The following EIF4E2 variants were observed in gnomAD, a reference collection of about 807,000 sequenced individuals.
EIF4E2 encodes the protein eukaryotic translation initiation factor 4E type 2.
In EIF4E2, 13 loss-of-function variants were observed where a neutral mutation model predicts 34.2. That is an observed-to-expected ratio of 0.38 (90% CI 0.25 to 0.60). The LOEUF is 0.60. Ranked by LOEUF, EIF4E2 falls within the 20% of genes least tolerant of loss-of-function variation. EIF4E2 has a pLI of 0.62. For missense variants in EIF4E2, 222 were observed against 315.1 expected (o/e 0.70, Z 2.24); for synonymous variants, 100 against 106.6 (o/e 0.94, Z 0.38).
intron 1 of EIF4E2, chr2:232,551,171 G>T (rs1018548131): frequency 3.9e-6 from 2 of 507,904 alleles, no homozygotes; most frequent in Non-Finnish European, 7.9e-6. Flanking sequence ...CATCTGCAGA[G>T]TGGGGACGGT....
At chr2:232,568,346 A>G (rs1342988623) in intron 6 of EIF4E2, 4 of 985,310 alleles carry the variant, frequency 4.1e-6, no homozygotes, top group Non-Finnish European at 3.6e-6. Flanking sequence ...GCGTTGGTCC[A>G]TGATCAAACG....
chr2:232,555,934 C>G (rs1207307351), intron 1 of EIF4E2, among the ~76,000 whole-genome samples: 2 of 57,628 alleles, frequency 3.5e-5, no homozygotes, highest in Admixed American at 5.2e-4. Flanking sequence ...AGATTTGTGT[C>G]AGGAAGACCA....
intron 6 of EIF4E2, chr2:232,567,903 A>C: frequency 1.0e-6 from 1 of 985,432 alleles, no homozygotes; most frequent in Non-Finnish European, 1.2e-6. Context: ...TGGCTGTCAG[A>C]TTGTCTCAAA....
At chr2:232,550,830 C>A in intron 1 of EIF4E2, 86 bp downstream of exon 1, 1 of 1,288,384 alleles carries the variant, frequency 7.8e-7, no homozygotes, top group Non-Finnish European at 1.1e-6. Context: ...CGGCGCAAAC[C>A]CTGCGGCACC....
At chr2:232,556,334 A>G in intron 1 of EIF4E2, 82 bp from the exon 2 acceptor site, 1 of 1,090,782 alleles carries the variant, frequency 9.2e-7, no homozygotes, top group Non-Finnish European at 1.4e-6. Context: ...GTTACATAGT[A>G]GTTCGTATGA....
At chr2:232,567,709 G>T in intron 6 of EIF4E2, 2 of 995,118 alleles carry the variant, frequency 2.0e-6, no homozygotes, top group South Asian at 9.3e-5. Context: ...AAGGGGGATA[G>T]TGTGTGTGTG....
intron 6 of EIF4E2, chr2:232,568,072 T>C: frequency 2.0e-6 from 2 of 985,370 alleles, no homozygotes; most frequent in African/African-American, 1.7e-5. Context: ...ACAAGGCTAT[T>C]GTGAGGCTGA....
intron 6 of EIF4E2, among the ~76,000 whole-genome samples, chr2:232,579,205 T>C (rs1392124438): frequency 1.3e-5 from 2 of 152,012 alleles, no homozygotes; most frequent in Non-Finnish European, 2.9e-5. Context: ...TGATCAGATA[T>C]GTTCCTTATC....
intron 6 of EIF4E2, 28 bp downstream of exon 6, chr2:232,567,242 G>A (rs764061891): frequency 2.5e-6 from 4 of 1,613,436 alleles, no homozygotes; most frequent in South Asian, 2.2e-5. Flanking sequence ...ATGGGAGGAC[G>A]TGTCCCTAAG....
chr2:232,559,775 C>T (rs1015612767), intron 3 of EIF4E2, among the ~76,000 whole-genome samples: 1 of 145,094 alleles, frequency 6.9e-6, no homozygotes, highest in Admixed American at 6.9e-5. Context: ...GAGACCCTGC[C>T]TCTACAAAAA....
downstream of EIF4E2, chr2:232,569,812 TG>T (rs1693049198): frequency 1.3e-5 from 2 of 152,390 alleles, no homozygotes; most frequent in Admixed American, 6.5e-5. Flanking sequence ...CCCTTTCTCC[TG>T]GGCCCGGTGT....
Position 232,557,919 on chromosome 2 carries a change from G to T in EIF4E2, c.171G>T (p.Gln57His). 1 of 1,613,968 alleles carries T rather than the reference G, an allele frequency of 6.2e-7. No homozygotes were observed. The highest frequency in any genetic ancestry group is 8.5e-7 in the Non-Finnish European group (1 of 1,179,990). Reference protein sequence around the residue: ...VVPGPAEHPLQYNYTFWYSRR... With the variant: ...VVPGPAEHPLHYNYTFWYSRR... ...CTGGACCGGCAGAGCATCCCCTGCA[G>T]TACAACTACACTTTTTGGTACTCCA... The change falls in exon 3 of 7, where the codon CAG (glutamine) becomes CAT (histidine). Residue 57 changes from glutamine (Q) to histidine (H), a missense_variant. By Grantham distance (24) the Gln-to-His change is conservative. Transcript: ENST00000258416.
At chr2:232,551,054 G>C (rs1330288820) in intron 1 of EIF4E2, 1 of 620,342 alleles carries the variant, frequency 1.6e-6, no homozygotes. Flanking sequence ...CTGCGACGTG[G>C]AGGGGTGGGG....
chr2:232,553,921 A>T (rs541714357), intron 1 of EIF4E2: 1 of 152,318 alleles, frequency 6.6e-6, no homozygotes, highest in South Asian at 2.1e-4. Context: ...CAAAAACAAG[A>T]TGCTGGGATG....
rs957127542 is a variant in EIF4E2, at chr2:232,568,981, T to A, written c.702T>A (p.Phe234Leu). The change falls in exon 7 of 7, where the codon TTT becomes TTA. Residue 234 changes from phenylalanine to leucine, a missense_variant. Phe to Leu is a conservative substitution (Grantham distance 22). Around this residue, in one of 3 missense-constraint regions of EIF4E2, gnomAD observed 30 missense variants for 26.3 expected, o/e 1.14. Coordinates refer to ENST00000258416, the MANE Select transcript of EIF4E2 (RefSeq NM_004846.4). ...PGRLGPQRLL[F>L]QNLWKPRLNV... is the part of the protein sequence containing the mutation. ...GGCTGGGCCCCCAAAGGCTCCTTTT[T>A]CAAAACCTCTGGAAGCCGCGGTTGA... 5 of 1,614,092 alleles carry A rather than the reference T, an allele frequency of 3.1e-6. No homozygotes were observed. Among genetic ancestry groups the A allele is most frequent in the African/African-American group, 1.3e-5 (1 of 74,926 alleles).
intron 3 of EIF4E2, among the ~76,000 whole-genome samples, chr2:232,559,815 C>T (rs951969648): frequency 1.7e-5 from 2 of 117,576 alleles, no homozygotes; most frequent in East Asian, 2.4e-4. Context: ...TTGGAGAAAA[C>T]GGGAGCATTA....
chr2:232,554,199 TAGGAAA>T (rs1692439392), intron 1 of EIF4E2, among the ~76,000 whole-genome samples: 2 of 152,186 alleles, frequency 1.3e-5, no homozygotes, highest in Non-Finnish European at 2.9e-5. Flanking sequence ...TGGAAGAGGT[TAGGAAA>T]TGTTGCCAAG....
At chr2:232,570,164 T>C (rs1407975916), downstream of EIF4E2, among the ~76,000 whole-genome samples, 2 of 152,194 alleles carry the variant, frequency 1.3e-5, no homozygotes, top group Admixed American at 1.3e-4. Flanking sequence ...TACCCTGTGC[T>C]TGTACCATCC....
intron 1 of EIF4E2, 49 bp downstream of exon 1, chr2:232,550,793 C>G (rs970101815): frequency 1.3e-6 from 2 of 1,507,020 alleles, no homozygotes; most frequent in African/African-American, 2.9e-5. Context: ...AACAGTTCCC[C>G]CGCGCCCGCC....
Sources: allele counts gnomAD v4.1 joint callset (sites outside exome capture counted in the v4.1 genomes callset), GRCh38; gene constraint gnomAD v4.1.1; regional missense constraint gnomAD v4.1.1; transcripts MANE v1.5; gene names NCBI Gene and HGNC (gene_info 2026-07-23, HGNC 2026-07-21).